RHOU: variants seen among roughly 807,000 people sequenced by gnomAD.
RHOU encodes rho-related GTP-binding protein RhoU.
A neutral mutation model predicts 12.6 loss-of-function variants in RHOU; 8 were observed. That is an observed-to-expected ratio of 0.64 (90% CI 0.37 to 1.15). RHOU has a LOEUF of 1.15. RHOU is among the 50% of genes most tolerant of loss of function. The pLI is 0.01. For missense variants in RHOU, 258 were observed against 347.0 expected (o/e 0.74, Z 2.04); for synonymous variants, 161 against 147.4 (o/e 1.09, Z -0.67).
At position 228,744,553 on chromosome 1, in the gene RHOU, A is replaced by G. The variant is rs966896268; in HGVS notation, c.*813A>G. 6.6e-6 allele frequency: 1 copy of G among 152,226 alleles called. No homozygotes were observed. Among genetic ancestry groups the G allele is most frequent in the Non-Finnish European group, 1.5e-5 (1 of 68,040 alleles). 9.4% of individuals were successfully genotyped at this position (152,226 alleles called of 1,614,324 possible). On this transcript the variant is annotated 3_prime_UTR_variant, in exon 3 of 3. Transcript: ENST00000366691. The stretch of plus-strand genomic sequence containing the variant: ...TTGCTTTCGGTACTGTAATACGTGC[A>G]CCAAACTGCCTCAATCCTAGGTAAC...
chr1:228,656,765 A>G, the RHOU span, among the ~76,000 whole-genome samples: 1 of 152,350 alleles, frequency 6.6e-6, no homozygotes. Context: ...GTAATGCAGA[A>G]AATGAGGGGA....
At chr1:228,721,211 A>G in the RHOU span, among the ~76,000 whole-genome samples, 4 of 152,316 alleles carry the variant, frequency 2.6e-5, no homozygotes, top group South Asian at 8.3e-4. Flanking sequence ...CTGAAGCAGG[A>G]GAATCACTTG....
the RHOU span, among the ~76,000 whole-genome samples, chr1:228,663,635 T>C: frequency 8.2e-6 from 1 of 121,988 alleles, no homozygotes; most frequent in Non-Finnish European, 1.7e-5. Flanking sequence ...CTTTTTTTTT[T>C]TTTTTTTTTT....
the RHOU span, among the ~76,000 whole-genome samples, chr1:228,707,113 TATATATATATATAC>T: frequency 0.028 from 2,668 of 94,428 alleles, 163 homozygotes; most frequent in African/African-American, 0.15. Context: ...TACATATATA[TATATATATATATAC>T]ATATATATAT....
the RHOU span, among the ~76,000 whole-genome samples, chr1:228,693,500 G>T: frequency 6.6e-6 from 1 of 151,906 alleles, no homozygotes; most frequent in Non-Finnish European, 1.5e-5. Context: ...AGAGTCTCCC[G>T]CTATTGCCTA....
At chr1:228,719,670 C>T in the RHOU span, among the ~76,000 whole-genome samples, 3 of 152,086 alleles carry the variant, frequency 2.0e-5, no homozygotes, top group African/African-American at 7.2e-5. Flanking sequence ...GTGGAGTTTG[C>T]AGTGAGCTGG....
At chr1:228,677,031 T>G in the RHOU span, among the ~76,000 whole-genome samples, 1 of 151,946 alleles carries the variant, frequency 6.6e-6, no homozygotes, top group Non-Finnish European at 1.5e-5. Context: ...TAAAATGAAA[T>G]AGTGGTAAAG....
the RHOU span, among the ~76,000 whole-genome samples, chr1:228,724,145 T>C: frequency 1.3e-5 from 2 of 152,216 alleles, no homozygotes; most frequent in African/African-American, 2.4e-5. Flanking sequence ...GTGTGCTCAC[T>C]GACGTATCCC....
At chr1:228,680,809 C>G in the RHOU span, among the ~76,000 whole-genome samples, 1 of 152,120 alleles carries the variant, frequency 6.6e-6, no homozygotes, top group Non-Finnish European at 1.5e-5. Flanking sequence ...TTAAGTTTGT[C>G]ATAATTAACA....
rs1277122719 is a variant in RHOU at position 228,746,465 on chromosome 1, C to T, written c.*2725C>T. The T allele has an allele frequency of 6.6e-6, 1 of 152,192 alleles. No homozygotes were observed. Among genetic ancestry groups the T allele is most frequent in the East Asian group, 1.9e-4 (1 of 5,192 alleles). The allele number at this position is 152,192 out of a possible 1,614,324, so 9.4% of individuals were successfully genotyped here. A position where few individuals can be genotyped will look rare whatever the true frequency, so the allele number is the denominator to read the frequency against. ...TAAATGGACCTTTTATAACCTTGTT[C>T]TCTGCTTGACAGACTCAAGAGAAAC... On this transcript the variant is annotated 3_prime_UTR_variant, in exon 3 of 3. Coordinates refer to ENST00000366691, the MANE Select transcript of RHOU (RefSeq NM_021205.6).
chr1:228,721,841 A>G, the RHOU span, among the ~76,000 whole-genome samples: 1 of 152,164 alleles, frequency 6.6e-6, no homozygotes, highest in South Asian at 2.1e-4. Context: ...TTTAGTAGAG[A>G]TGGGGCTTCA....
upstream of RHOU, among the ~76,000 whole-genome samples, chr1:228,730,574 C>A (rs972058369): frequency 6.6e-6 from 1 of 152,200 alleles, no homozygotes; most frequent in East Asian, 1.9e-4. Context: ...TAGCCGAGAA[C>A]CATACAAAGA....
At chr1:228,699,876 A>G in the RHOU span, among the ~76,000 whole-genome samples, 38 of 152,192 alleles carry the variant, frequency 2.5e-4, no homozygotes, top group African/African-American at 8.7e-4. Flanking sequence ...CAGTTGAATG[A>G]AATCTCTCTA....
the RHOU span, among the ~76,000 whole-genome samples, chr1:228,662,434 A>C: frequency 6.6e-6 from 1 of 152,204 alleles, no homozygotes; most frequent in African/African-American, 2.4e-5. Context: ...ACCAACCCAA[A>C]TGTCCATCAA....
At chr1:228,678,054 C>G in the RHOU span, among the ~76,000 whole-genome samples, 1 of 152,112 alleles carries the variant, frequency 6.6e-6, no homozygotes, top group African/African-American at 2.4e-5. Context: ...AAGTCAATTT[C>G]CCAGTCCTGG....
At chr1:228,713,156 C>T in the RHOU span, among the ~76,000 whole-genome samples, 1 of 152,112 alleles carries the variant, frequency 6.6e-6, no homozygotes, top group Non-Finnish European at 1.5e-5. Flanking sequence ...TGATGGCAGG[C>T]AACTCCTAGG....
the RHOU span, chr1:228,687,555 T>G: frequency 6.4e-7 from 1 of 1,559,996 alleles, no homozygotes; most frequent in Non-Finnish European, 8.7e-7. Context: ...CTGTGATGAC[T>G]GGGAGAGCGG....
the RHOU span, among the ~76,000 whole-genome samples, chr1:228,693,490 A>T: frequency 6.7e-6 from 1 of 149,636 alleles, no homozygotes; most frequent in African/African-American, 2.6e-5. Flanking sequence ...TTTTTGACAC[A>T]GAGTCTCCCG....
upstream of RHOU, among the ~76,000 whole-genome samples, chr1:228,732,479 G>T (rs1405519171): frequency 6.6e-6 from 1 of 152,172 alleles, no homozygotes; most frequent in African/African-American, 2.4e-5. Context: ...AAGGCATTCT[G>T]TAAAGGGGTA....
Sources: gnomAD v4.1 joint callset for allele counts (sites outside exome capture counted in the v4.1 genomes callset) on GRCh38, gnomAD v4.1.1 for gene constraint, MANE v1.5 for transcripts, NCBI Gene and HGNC (gene_info 2026-07-23, HGNC 2026-07-21) for gene names.